CNKSR2: variants seen among roughly 807,000 people sequenced by gnomAD.
CNKSR2 encodes the protein connector enhancer of kinase suppressor of Ras 2.
CNKSR2 carries 14 observed loss-of-function variants against 84.4 expected under a neutral mutation model. The ratio of observed to expected loss-of-function variants is 0.17; its 90% CI spans 0.11 to 0.26. The LOEUF is 0.26. CNKSR2 is among the 10% of genes least tolerant of loss of function. The pLI, the probability that CNKSR2 is intolerant of heterozygous loss-of-function variation, is 1.00. For missense variants in CNKSR2, 485 were observed against 771.2 expected (o/e 0.63, Z 4.40); for synonymous variants, 275 against 277.9 (o/e 0.99, Z 0.10).
chrX:21,536,340 T>C (rs896408420), intron 11 of CNKSR2, among the ~76,000 whole-genome samples: 2 of 111,356 alleles, frequency 1.8e-5, no homozygotes, highest in Non-Finnish European at 3.8e-5. Flanking sequence ...TTTCTTCTTG[T>C]TGGATTTTAG....
chrX:21,617,047 C>T (rs993643306), intron 20 of CNKSR2, among the ~76,000 whole-genome samples: 2 of 111,688 alleles, frequency 1.8e-5, no homozygotes, highest in African/African-American at 6.5e-5. Context: ...AGAGCTAATG[C>T]TCACACAAAA....
intron 20 of CNKSR2, among the ~76,000 whole-genome samples, chrX:21,629,979 T>C (rs1186250008): frequency 8.9e-6 from 1 of 112,110 alleles, no homozygotes; most frequent in Non-Finnish European, 1.9e-5. Flanking sequence ...CATTAACTGA[T>C]CAGTCTTTGA....
chrX:21,415,847 CACACACACACACACACACACACACAT>C (rs1367161602), intron 1 of CNKSR2, among the ~76,000 whole-genome samples: 1 of 101,639 alleles, frequency 9.8e-6, no homozygotes, highest in Non-Finnish European at 2.0e-5. Flanking sequence ...CACACACACA[CACACACACACACACACACACACACAT>C]ATATATATAT....
intron 21 of CNKSR2, among the ~76,000 whole-genome samples, chrX:21,651,131 T>C (rs2092719960): frequency 1.8e-5 from 2 of 111,657 alleles, no homozygotes; most frequent in African/African-American, 6.5e-5. Flanking sequence ...AGTGACAAAA[T>C]ATATGGCTAC....
At position 21,545,953 on chromosome X, in the gene CNKSR2, C is replaced by T. The variant is rs775464666; in HGVS notation, c.1303+13886C>T. On this transcript the variant is annotated intron_variant, in intron 11 of 21. Transcript: ENST00000379510. ...CATCAAAGATCAAAATAGATAAATC[C>T]ACGAAGATGAAGAAAAACCAGCACA... 5.4e-5 allele frequency among the ~76,000 whole-genome samples: 6 copies of T among 111,525 alleles called. 1 individual carries two copies. The highest frequency in any genetic ancestry group is 2.0e-4 in the African/African-American group (6 of 30,673).
intron 15 of CNKSR2, chrX:21,591,704 C>T (rs141798841): frequency 0.049 from 5,263 of 108,343 alleles, 111 homozygotes; most frequent in Non-Finnish European, 0.054. Context: ...TTCACTTGGC[C>T]CAGTGGGGGG....
intron 5 of CNKSR2, among the ~76,000 whole-genome samples, chrX:21,472,680 G>A (rs1318115306): frequency 9.0e-6 from 1 of 111,303 alleles, no homozygotes; most frequent in Non-Finnish European, 1.9e-5. Context: ...ATCAACAAAG[G>A]AAATGTAAAT....
intron 20 of CNKSR2, among the ~76,000 whole-genome samples, chrX:21,641,318 G>A (rs1602067462): frequency 8.9e-6 from 1 of 111,757 alleles, no homozygotes; most frequent in East Asian, 2.8e-4. Context: ...AACAACCAAA[G>A]TTTAAAGCAA....
chrX:21,390,453 A>C (rs779616998), intron 1 of CNKSR2, among the ~76,000 whole-genome samples: 2 of 111,005 alleles, frequency 1.8e-5, no homozygotes, highest in African/African-American at 3.3e-5. Flanking sequence ...GGTGAAGGGG[A>C]AGCAGGCACG....
At chrX:21,504,772 A>G (rs946433973) in intron 8 of CNKSR2, 2 of 293,754 alleles carry the variant, frequency 6.8e-6, no homozygotes, top group African/African-American at 2.8e-5. Context: ...TCATGTTGCT[A>G]TATTCTCTGT....
intron 1 of CNKSR2, among the ~76,000 whole-genome samples, chrX:21,404,132 A>AG (rs1261485488): frequency 8.9e-6 from 1 of 111,866 alleles, no homozygotes; most frequent in Non-Finnish European, 1.9e-5. Flanking sequence ...AAGAAAAAAA[A>AG]TAGCCTATTC....
At chrX:21,481,731 T>G (rs1213066718) in intron 5 of CNKSR2, among the ~76,000 whole-genome samples, 2 of 111,864 alleles carry the variant, frequency 1.8e-5, no homozygotes, top group African/African-American at 3.3e-5. Flanking sequence ...TTGCTGGCCT[T>G]GAAGAAATCA....
chrX:21,643,803 T>C (rs1287952256), intron 20 of CNKSR2: 1 of 111,609 alleles, frequency 9.0e-6, no homozygotes, highest in African/African-American at 3.2e-5. Flanking sequence ...TGCTTTTTTT[T>C]TGATATAACA....
chrX:21,421,523 A>G (rs1176621933), intron 1 of CNKSR2, among the ~76,000 whole-genome samples: 1 of 110,080 alleles, frequency 9.1e-6, no homozygotes, highest in East Asian at 2.9e-4. Flanking sequence ...ACATCAGTGG[A>G]CACTTGGGTT....
At chrX:21,489,912 G>A (rs1377311134) in intron 5 of CNKSR2, among the ~76,000 whole-genome samples, 2 of 111,765 alleles carry the variant, frequency 1.8e-5, no homozygotes, top group African/African-American at 3.3e-5. Flanking sequence ...GTTTCAGATT[G>A]TTCATAGAAT....
At chrX:21,505,404 CA>C (rs1313763139) in intron 8 of CNKSR2, 1 of 111,055 alleles carries the variant, frequency 9.0e-6, no homozygotes, top group Non-Finnish European at 1.9e-5. Flanking sequence ...TTGGGATAGT[CA>C]AGAAGAAGAT....
At chrX:21,437,550 G>C (rs1304273310) in intron 3 of CNKSR2, among the ~76,000 whole-genome samples, 1 of 106,546 alleles carries the variant, frequency 9.4e-6, no homozygotes, top group Non-Finnish European at 1.9e-5. Flanking sequence ...CTCCTGAGTA[G>C]CTGGGATTAC....
intron 1 of CNKSR2, among the ~76,000 whole-genome samples, chrX:21,406,545 A>G (rs1008390828): frequency 8.9e-6 from 1 of 111,780 alleles, no homozygotes; most frequent in Admixed American, 9.5e-5. Flanking sequence ...GAGTCTAACT[A>G]TGTATCTCCA....
chrX:21,383,163 C>T (rs2089922560), intron 1 of CNKSR2, among the ~76,000 whole-genome samples: 3 of 112,364 alleles, frequency 2.7e-5, no homozygotes, highest in Non-Finnish European at 5.6e-5. Flanking sequence ...CAATGGATTG[C>T]AATTGTGCCC....
Sources: gnomAD v4.1 joint callset for allele counts (sites outside exome capture counted in the v4.1 genomes callset) on GRCh38, gnomAD v4.1.1 for gene constraint, MANE v1.5 for transcripts, NCBI Gene and HGNC (gene_info 2026-07-23, HGNC 2026-07-21) for gene names.